Variants in LAMB4 observed in about 807,000 individuals in gnomAD.
LAMB4 encodes laminin subunit beta 4.
LAMB4 carries 196 observed loss-of-function variants against 199.2 expected under a neutral mutation model. The observed-to-expected ratio is 0.98, with a 90% CI of 0.88 to 1.11. The LOEUF (loss-of-function observed/expected upper bound fraction) is 1.11, where lower values mean the gene tolerates loss of function less well. LAMB4 is among the 50% of genes least tolerant of loss of function. The pLI is 0.00. For missense variants in LAMB4, 2,080 were observed against 2,171.2 expected, an observed-to-expected ratio of 0.96 and a Z score of 0.83; for synonymous variants, 744 against 770.6, an observed-to-expected ratio of 0.97 and a Z score of 0.57.
chr7:108,072,476 C>T (rs910488670), intron 17 of LAMB4, among the ~76,000 whole-genome samples: 4 of 151,994 alleles, frequency 2.6e-5, no homozygotes, highest in African/African-American at 9.7e-5. Flanking sequence ...AATTTCATTT[C>T]AGGATGGTAA....
chr7:108,042,404 C>T (rs574705337), intron 29 of LAMB4, among the ~76,000 whole-genome samples: 2 of 151,608 alleles, frequency 1.3e-5, no homozygotes, highest in South Asian at 2.1e-4. Flanking sequence ...GGCTCTATGA[C>T]CCAGCAAACT....
At chr7:108,047,711 AT>A (rs1292939761) in intron 28 of LAMB4, among the ~76,000 whole-genome samples, 196 bp downstream of exon 28, 3 of 152,174 alleles carry the variant, frequency 2.0e-5, no homozygotes, top group African/African-American at 7.2e-5. Flanking sequence ...ATAACAGGAA[AT>A]ATATCAATAT....
At chr7:108,025,481 T>C (rs1002369864) in intron 33 of LAMB4, among the ~76,000 whole-genome samples, 3 of 150,664 alleles carry the variant, frequency 2.0e-5, no homozygotes, top group Non-Finnish European at 4.4e-5. Context: ...CAGGCTGGAG[T>C]GCAATGGCGT....
chr7:108,047,703 A>G (rs1225268319), intron 28 of LAMB4, among the ~76,000 whole-genome samples: 3 of 152,196 alleles, frequency 2.0e-5, no homozygotes, highest in Admixed American at 2.0e-4. Flanking sequence ...ACATATATAT[A>G]ACAGGAAATA....
chr7:108,079,827 A>G, intron 14 of LAMB4, 41 bp from the exon 15 acceptor site: 1 of 1,464,958 alleles, frequency 6.8e-7, no homozygotes, highest in Non-Finnish European at 9.1e-7. Flanking sequence ...GCCTACAGTC[A>G]AGGCCTGAAA....
chr7:108,078,366 G>A, intron 15 of LAMB4, 50 bp from the exon 16 acceptor site: 1 of 1,155,594 alleles, frequency 8.7e-7, no homozygotes, highest in Non-Finnish European at 1.3e-6. Context: ...GCAGGAAAAT[G>A]TTTTGCACGT....
In LAMB4 at chr7:108,023,985, C is replaced by T. The variant is rs2034748247; in HGVS notation, c.*54G>A. ...CACAGGTTCAACAGAGCCCCAGGGG[C>T]TTGTACATCAGAAACCAGAAACAAA... On this transcript the variant is annotated 3_prime_UTR_variant, in exon 34 of 34. Coordinates refer to ENST00000388781, the MANE Select transcript of LAMB4 (RefSeq NM_007356.3). The T allele has an allele frequency of 5.3e-6, 8 of 1,508,762 alleles. No homozygotes were observed. In the Admixed American group the frequency reaches 1.5e-4, roughly 28 times the overall value. The allele number at this position is 1,508,762 out of a possible 1,614,324, so 93.5% of individuals were successfully genotyped here.
chr7:108,116,846 A>AAT (rs1163474369), intron 2 of LAMB4, among the ~76,000 whole-genome samples: 2 of 152,166 alleles, frequency 1.3e-5, no homozygotes, highest in Non-Finnish European at 2.9e-5. Flanking sequence ...CAGCTTCTTC[A>AAT]ATATAGTGAG....
chr7:108,071,161 C>T (rs73725318), intron 17 of LAMB4, among the ~76,000 whole-genome samples: 3,512 of 152,248 alleles, frequency 0.023, 146 homozygotes, highest in African/African-American at 0.079. Context: ...CCTCCTCAAT[C>T]GTACATATTC....
At chr7:108,110,074 G>C (rs1394570462) in intron 4 of LAMB4, among the ~76,000 whole-genome samples, 1 of 152,186 alleles carries the variant, frequency 6.6e-6, no homozygotes, top group East Asian at 1.9e-4. Context: ...CTGTCCCCCA[G>C]ACTGGAGTGC....
At chr7:108,073,818 G>T (rs2036609672) in intron 17 of LAMB4, among the ~76,000 whole-genome samples, 1 of 152,220 alleles carries the variant, frequency 6.6e-6, no homozygotes. Context: ...CCCGCCCTAG[G>T]TTGGCCTTGG....
chr7:108,055,333 C>T (rs1306115753), intron 25 of LAMB4, among the ~76,000 whole-genome samples: 1 of 152,018 alleles, frequency 6.6e-6, no homozygotes, highest in African/African-American at 2.4e-5. Context: ...ATTACAGGTA[C>T]CTGCCACCAT....
At chr7:108,107,539 C>T in intron 6 of LAMB4, 92 bp downstream of exon 6, 1 of 969,016 alleles carries the variant, frequency 1.0e-6, no homozygotes, top group Non-Finnish European at 1.5e-6. Context: ...ACTTACATTA[C>T]AGTAAACACT....
chr7:108,056,068 A>T (rs1158804528), intron 24 of LAMB4, 61 bp from the exon 25 acceptor site: 6 of 1,469,912 alleles, frequency 4.1e-6, no homozygotes, highest in Non-Finnish European at 5.5e-6. Context: ...TGACTAACTC[A>T]AGAATCAGGT....
chr7:108,129,480 A>G (rs566871978), intron 1 of LAMB4, among the ~76,000 whole-genome samples: 2 of 151,794 alleles, frequency 1.3e-5, no homozygotes, highest in Non-Finnish European at 2.9e-5. Flanking sequence ...AGATATTTCA[A>G]CTGTTTTGCC....
chr7:108,036,078 T>G (rs1169272403), intron 30 of LAMB4, among the ~76,000 whole-genome samples: 2 of 151,956 alleles, frequency 1.3e-5, no homozygotes, highest in Non-Finnish European at 2.9e-5. Context: ...GGCTGGTCTC[T>G]AACTCCTAGC....
intron 29 of LAMB4, among the ~76,000 whole-genome samples, chr7:108,040,767 G>T (rs2035395409): frequency 6.6e-6 from 1 of 152,006 alleles, no homozygotes; most frequent in South Asian, 2.1e-4. Flanking sequence ...ACTCAAGATG[G>T]ATTAAAGACT....
downstream of LAMB4, among the ~76,000 whole-genome samples, chr7:108,021,256 G>T (rs1636942): frequency 6.6e-6 from 1 of 151,994 alleles, no homozygotes; most frequent in Non-Finnish European, 1.5e-5. Context: ...GCTGAAGTGC[G>T]GAAGAAGTGG....
chr7:108,073,524 C>T (rs1487830376), intron 17 of LAMB4, among the ~76,000 whole-genome samples: 3 of 152,232 alleles, frequency 2.0e-5, no homozygotes, highest in Admixed American at 1.3e-4. Context: ...TCTCACAGTG[C>T]TTGCCAAACA....
Sources: allele counts gnomAD v4.1 joint callset (sites outside exome capture counted in the v4.1 genomes callset), GRCh38; gene constraint gnomAD v4.1.1; transcripts MANE v1.5; gene names NCBI Gene and HGNC (gene_info 2026-07-23, HGNC 2026-07-21).